MYOM2: variants seen among roughly 807,000 people sequenced by gnomAD.
MYOM2 encodes myomesin-2.
MYOM2 carries 254 observed loss-of-function variants against 187.6 expected under a neutral mutation model. The observed-to-expected ratio is 1.35, with a 90% confidence interval of 1.22 to 1.50. The LOEUF is 1.50. Among genes scored for constraint, MYOM2 ranks in the 40% most tolerant of loss-of-function variants. The pLI is 0.00. For missense variants in MYOM2, 2,796 were observed against 1,924.0 expected (o/e 1.45, Z -8.48); for synonymous variants, 981 against 753.8 (o/e 1.30, Z -4.94).
At chr8:2,099,083 G>A in intron 19 of MYOM2, 100 bp downstream of exon 19, 1 of 1,416,970 alleles carries the variant, frequency 7.1e-7, no homozygotes, top group African/African-American at 1.4e-5. Flanking sequence ...TTCACAGCGT[G>A]TCTGTTCCTC....
chr8:2,102,910 G>A (rs1281845242), intron 21 of MYOM2, 129 bp downstream of exon 21: 3 of 701,516 alleles, frequency 4.3e-6, no homozygotes, highest in African/African-American at 1.8e-5. Flanking sequence ...GTGTGTATGT[G>A]TGGATGGGTC....
In MYOM2 at chr8:2,123,254, T is replaced by G. The variant is rs1797518541; in HGVS notation, c.3456T>G (p.Val1152=). The G allele has an allele frequency of 1.2e-6, 2 of 1,607,928 alleles. No individual in the cohort carries two copies. The highest frequency in any genetic ancestry group is 2.7e-5 in the African/African-American group (2 of 74,802). ...EECEVRLVCK[V]ANTKKETVFK... ...AACTTAAGCTTTCTACCTCACAGGT[T>G]GCAAACACCAAGAAAGAAACCGTTT... The change falls in exon 29 of 37, where the codon GTT becomes GTG. Residue 1152 remains valine, a splice_region_variant and synonymous_variant. Coordinates refer to ENST00000262113, the MANE Select transcript of MYOM2 (RefSeq NM_003970.4).
At position 2,123,283 on chromosome 8, in the gene MYOM2, A is replaced by T; in HGVS notation, c.3485A>T (p.Lys1162Ile). 6.2e-7 allele frequency: 1 copy of T among 1,613,252 alleles called. No individual in the cohort carries two copies. Among genetic ancestry groups the T allele is most frequent in the East Asian group, 2.2e-5 (1 of 44,870 alleles). Residue 1162 changes from lysine (K) to isoleucine (I), a missense_variant, in exon 29 of 37, where the codon AAA (lysine) becomes ATA (isoleucine). Lys to Ile is a moderately radical substitution (Grantham distance 102). Transcript: ENST00000262113. ...AACACCAAGAAAGAAACCGTTTTCAAATGGCTCAAGGATGATGTTCTGTAT... is the reference window on the plus strand; with the variant it reads ...AACACCAAGAAAGAAACCGTTTTCATATGGCTCAAGGATGATGTTCTGTAT... ...VANTKKETVF[K>I]WLKDDVLYET...
intron 31 of MYOM2, 24 bp from the exon 32 acceptor site, chr8:2,129,103 C>G: frequency 6.4e-7 from 1 of 1,562,252 alleles, no homozygotes; most frequent in Non-Finnish European, 8.8e-7. Flanking sequence ...TTTCCTAGAT[C>G]TGAGGATGTT....
At chr8:2,060,577 C>T (rs541542596) in intron 6 of MYOM2, among the ~76,000 whole-genome samples, 23 of 152,214 alleles carry the variant, frequency 1.5e-4, no homozygotes, top group Admixed American at 6.5e-4. Flanking sequence ...TCTGACTAAA[C>T]TGTAAAGCAG....
chr8:2,080,212 T>C (rs1819573143), intron 13 of MYOM2, among the ~76,000 whole-genome samples: 1 of 152,192 alleles, frequency 6.6e-6, no homozygotes, highest in Non-Finnish European at 1.5e-5. Context: ...TAGAGTGCCA[T>C]GGGTGAAAAC....
chr8:2,061,565 G>A (rs10087114), intron 6 of MYOM2, among the ~76,000 whole-genome samples: 164 of 152,242 alleles, frequency 1.1e-3, no homozygotes, highest in East Asian at 2.9e-3. Context: ...GCTTCTGCCC[G>A]GTGGTGCCCC....
rs139827456 is a variant in MYOM2 at position 2,109,484 on chromosome 8, G to T, written c.3133G>T (p.Ala1045Ser). ...CCAGGCTGAGCACTTATCACCAGAT[G>T]CCAGCTACCGATTTATTATTAACGA... ...WLQAEHLSPD[A>S]SYRFIINDRE... The change falls in exon 25 of 37, where the codon GCC (alanine) becomes TCC (serine). Residue 1045 changes from alanine (A) to serine (S), a missense_variant. Ala to Ser is a moderately conservative substitution (Grantham distance 99). Transcript: ENST00000262113. The T allele has an allele frequency of 9.9e-5, 159 of 1,613,326 alleles. No homozygotes were observed. The highest frequency in any genetic ancestry group is 1.3e-4 in the Non-Finnish European group (151 of 1,179,690).
chr8:2,051,141 A>G (rs1253206143), intron 2 of MYOM2, among the ~76,000 whole-genome samples: 1 of 151,140 alleles, frequency 6.6e-6, no homozygotes, highest in Non-Finnish European at 1.5e-5. Flanking sequence ...CGTTGATTTT[A>G]CTGCTCATCA....
chr8:2,132,200 A>C (rs1317761593), intron 32 of MYOM2, among the ~76,000 whole-genome samples: 1 of 152,186 alleles, frequency 6.6e-6, no homozygotes, highest in Non-Finnish European at 1.5e-5. Context: ...GAAGCCAGGG[A>C]GTGGAGCTGC....
chr8:2,143,522 T>C, intron 36 of MYOM2, 66 bp downstream of exon 36: 2 of 1,595,462 alleles, frequency 1.3e-6, no homozygotes, highest in Non-Finnish European at 1.7e-6. Flanking sequence ...ACCCCTTCTC[T>C]TGGGGCGGAG....
chr8:2,123,164 G>A lies in MYOM2; in HGVS notation c.3454-88G>A, dbSNP rs564431620. The stretch of plus-strand genomic sequence containing the variant: ...AAAAACTAAGGTTTTTTGAGGGGGG[G>A]GCTCTGTGATTTAAGATTCTAATAG... On this transcript the variant is annotated intron_variant, in intron 28 of 36. Coordinates refer to ENST00000262113, the MANE Select transcript of MYOM2 (RefSeq NM_003970.4). The A allele has an allele frequency of 1.8e-3, 1,540 of 832,778 alleles. 37 individuals carry two copies. The South Asian group carries it at 0.026, about 14-fold the overall frequency. 51.6% of individuals were successfully genotyped at this position (832,778 alleles called of 1,614,324 possible).
intron 6 of MYOM2, among the ~76,000 whole-genome samples, chr8:2,067,225 C>T (rs1362969681): frequency 6.6e-6 from 1 of 152,178 alleles, no homozygotes; most frequent in Non-Finnish European, 1.5e-5. Flanking sequence ...TTACTAATGA[C>T]TTCGCAGGAA....
At chr8:2,143,751 A>G (rs1039370441) in intron 36 of MYOM2, among the ~76,000 whole-genome samples, 1 of 152,182 alleles carries the variant, frequency 6.6e-6, no homozygotes, top group African/African-American at 2.4e-5. Flanking sequence ...GGGTGTTTCT[A>G]TGCCCCTGTG....
At chr8:2,138,464 T>G (rs2116912781) in intron 32 of MYOM2, among the ~76,000 whole-genome samples, 1 of 152,300 alleles carries the variant, frequency 6.6e-6, no homozygotes, top group African/African-American at 2.4e-5. Flanking sequence ...TCCTGAAGGA[T>G]TGCCTGGTCC....
In MYOM2 at chr8:2,059,243, C is replaced by G; in HGVS notation, c.651C>G (p.Asn217Lys). Residue 217 changes from asparagine (N) to lysine (K), a missense_variant and splice_region_variant, in exon 6 of 37, where the codon AAC (asparagine) becomes AAG (lysine). By Grantham distance (94) the Asn-to-Lys change is moderately conservative. Coordinates refer to ENST00000262113, the MANE Select transcript of MYOM2 (RefSeq NM_003970.4). Reference sequence around the variant, plus strand: ...ATGGCGTACACACACTGGAGATCAACAGGTATGGCTGTGGTGGGGGCTCTG... The same window carrying G: ...ATGGCGTACACACACTGGAGATCAAGAGGTATGGCTGTGGTGGGGGCTCTG... ...SNYGVHTLEI[N>K]RADFDDTATY... 1.9e-6 allele frequency: 3 copies of G among 1,613,856 alleles called. No individual in the cohort carries two copies. Among genetic ancestry groups the G allele is most frequent in the Non-Finnish European group, 2.5e-6 (3 of 1,179,786 alleles).
At position 2,096,979 on chromosome 8, in the gene MYOM2, C is replaced by T. The variant is rs114270538; in HGVS notation, c.2313+545C>T. 945 of 265,628 alleles carry T rather than the reference C, an allele frequency of 3.6e-3. 9 individuals are homozygous for T. Among genetic ancestry groups the T allele is most frequent in the African/African-American group, 0.021 (917 of 43,540 alleles). 16.5% of individuals were successfully genotyped at this position (265,628 alleles called of 1,614,324 possible). A position where few individuals can be genotyped will look rare whatever the true frequency, so the allele number is the denominator to read the frequency against. On this transcript the variant is annotated intron_variant, in intron 18 of 36. Transcript: ENST00000262113. Reference sequence around the variant, plus strand: ...AGATCTGGGGTCAGATCCAGACACCCCCTTGGCAGCCATTGCTCTGTTTCC... The same window carrying T: ...AGATCTGGGGTCAGATCCAGACACCTCCTTGGCAGCCATTGCTCTGTTTCC...
In MYOM2 at chr8:2,079,612, A is replaced by T. The variant is rs199950789; in HGVS notation, c.1515A>T (p.Glu505Asp). 6.2e-6 allele frequency: 10 copies of T among 1,613,990 alleles called. No homozygotes were observed. Among genetic ancestry groups the T allele is most frequent in the South Asian group, 1.1e-5 (1 of 91,078 alleles). ...TTGCCATTTATCAGGATGACCTTGA[A>T]GGTAAGTAGCACCTCATCACCCCAG... ...KEIAIYQDDL[E>D]GDAQVPGPPT... The change falls in exon 13 of 37, where the codon GAA becomes GAT. Residue 505 changes from glutamate to aspartate, a missense_variant and splice_region_variant. By Grantham distance (45) the Glu-to-Asp change is conservative. Coordinates refer to ENST00000262113, the MANE Select transcript of MYOM2 (RefSeq NM_003970.4).
In MYOM2 at chr8:2,101,026, AGAC is replaced by A. The variant is rs1796691897; in HGVS notation, c.2595_2597del (p.Thr867del). The A allele has an allele frequency of 1.9e-6, 3 of 1,614,168 alleles. No individual in the cohort carries two copies. Among genetic ancestry groups the A allele is most frequent in the African/African-American group, 1.3e-5 (1 of 75,056 alleles). ...GCTGGAGAGTGGATCACTGTCAATC[AGAC>A]GACAACAGCCAGCCGTTATTTAAAG... On this transcript the variant is annotated inframe_deletion, in exon 20 of 37. Coordinates refer to ENST00000262113, the MANE Select transcript of MYOM2 (RefSeq NM_003970.4).
Sources: allele counts gnomAD v4.1 joint callset (sites outside exome capture counted in the v4.1 genomes callset), GRCh38; gene constraint gnomAD v4.1.1; transcripts MANE v1.5; gene names NCBI Gene and HGNC (gene_info 2026-07-23, HGNC 2026-07-21).